MYDGF: variants seen among roughly 807,000 people sequenced by gnomAD.
MYDGF encodes myeloid-derived growth factor.
A neutral mutation model predicts 24.2 loss-of-function variants in MYDGF; 29 were observed. The observed-to-expected ratio is 1.20, with a 90% confidence interval of 0.89 to 1.63. The LOEUF (loss-of-function observed/expected upper bound fraction) is 1.63. Ranked by LOEUF, MYDGF falls within the 40% of genes most tolerant of loss-of-function variation. MYDGF has a pLI of 0.00. For missense variants in MYDGF, 245 were observed against 234.8 expected, an observed-to-expected ratio of 1.04 and a Z score of -0.29; for synonymous variants, 105 against 102.5, an observed-to-expected ratio of 1.02 and a Z score of -0.15.
chr19:4,670,005 G>GC (rs1199553789), intron 1 of MYDGF, among the ~76,000 whole-genome samples, 156 bp downstream of exon 1: 9 of 151,666 alleles, frequency 5.9e-5, no homozygotes, highest in Admixed American at 3.9e-4. Context: ...ACGGTCCCGC[G>GC]CCCCCCACTC....
chr19:4,659,829 T>C, intron 5 of MYDGF, 102 bp downstream of exon 5: 2 of 987,444 alleles, frequency 2.0e-6, no homozygotes, highest in Non-Finnish European at 1.6e-6. Flanking sequence ...TGGTCTACAG[T>C]CTCCAGGACC....
Position 4,662,428 on chromosome 19 carries a change from C to T in MYDGF, c.288-1678G>A, listed in dbSNP as rs140893714. 4.8e-3 allele frequency among the ~76,000 whole-genome samples: 726 copies of T among 152,322 alleles called. 17 individuals are homozygous for T. The highest frequency in any genetic ancestry group is 0.042 in the Admixed American group (647 of 15,300). On this transcript the variant is annotated intron_variant, in intron 3 of 5. Coordinates refer to ENST00000262947, the MANE Select transcript of MYDGF (RefSeq NM_019107.4). ...CTGAAGCCCCCGACCCCCTCCCCAC[C>T]GGGGGGCCTGACGGCTTCCTTCCCT...
chr19:4,665,211 C>T (rs904300971), intron 2 of MYDGF, among the ~76,000 whole-genome samples: 5 of 138,032 alleles, frequency 3.6e-5, no homozygotes. Flanking sequence ...ATAGGAACAA[C>T]GCTGTTTGTT....
chr19:4,663,376 CACCT>C lies in MYDGF; in HGVS notation c.287+1496_287+1499del, dbSNP rs144136386. On this transcript the variant is annotated intron_variant, in intron 3 of 5. Coordinates refer to ENST00000262947, the MANE Select transcript of MYDGF (RefSeq NM_019107.4). ...TCTACAGCATCCAATCTACTCTCCC[CACCT>C]ACCCCATCCTCATTCTACACAGCCT... 1.2e-3 allele frequency among the ~76,000 whole-genome samples: 171 copies of C among 145,778 alleles called. 4 individuals carry two copies. In the East Asian group the frequency reaches 0.03, roughly 25 times the overall value.
intron 1 of MYDGF, among the ~76,000 whole-genome samples, chr19:4,669,396 A>G (rs982606369): frequency 6.6e-6 from 1 of 152,182 alleles, no homozygotes; most frequent in Non-Finnish European, 1.5e-5. Flanking sequence ...GGTTGCAGTG[A>G]GCCAAGATCG....
At chr19:4,669,868 G>A (rs1257137118) in intron 1 of MYDGF, among the ~76,000 whole-genome samples, 9 of 152,102 alleles carry the variant, frequency 5.9e-5, no homozygotes, top group African/African-American at 9.7e-5. Context: ...CGTCTGGAGG[G>A]CAGGGGTGCC....
intron 3 of MYDGF, 68 bp downstream of exon 3, chr19:4,664,808 A>C (rs1183588306): frequency 6.4e-7 from 1 of 1,559,156 alleles, no homozygotes; most frequent in African/African-American, 1.4e-5. Flanking sequence ...CTGCCTTCCA[A>C]AGCAGCTCCT....
At chr19:4,659,792 C>G (rs1420393962) in intron 5 of MYDGF, 139 bp downstream of exon 5, 3 of 747,490 alleles carry the variant, frequency 4.0e-6, no homozygotes, top group Non-Finnish European at 7.1e-6. Context: ...GACGAGGTGG[C>G]CTTTATAGAA....
chr19:4,657,926 T>C lies in MYDGF; in HGVS notation c.*79A>G. Reference sequence around the variant, plus strand: ...AGAGTCCCTCCTAGAAAACCAGTGATGTGCTGGCCCTTTCAGGGACACAGG... The same window carrying C: ...AGAGTCCCTCCTAGAAAACCAGTGACGTGCTGGCCCTTTCAGGGACACAGG... On this transcript the variant is annotated 3_prime_UTR_variant, in exon 6 of 6. Coordinates refer to ENST00000262947, the MANE Select transcript of MYDGF (RefSeq NM_019107.4). The C allele has an allele frequency of 7.7e-7, 1 of 1,306,700 alleles. No individual in the cohort carries two copies. The highest frequency in any genetic ancestry group is 1.3e-5 in the South Asian group (1 of 75,876). 80.9% of individuals were successfully genotyped at this position (1,306,700 alleles called of 1,614,324 possible). A position where few individuals can be genotyped will look rare whatever the true frequency, so the allele number is the denominator to read the frequency against.
intron 3 of MYDGF, among the ~76,000 whole-genome samples, chr19:4,662,172 G>A (rs560555281): frequency 2.0e-5 from 3 of 152,278 alleles, no homozygotes; most frequent in East Asian, 3.9e-4. Flanking sequence ...AGGGCACGGC[G>A]GGACAACACC....
intron 3 of MYDGF, among the ~76,000 whole-genome samples, chr19:4,660,964 ATTTTT>A (rs10718244): frequency 2.0e-5 from 2 of 99,218 alleles, no homozygotes. Flanking sequence ...TTGTGCCAGA[ATTTTT>A]TTTTTTTTTT....
intron 1 of MYDGF, among the ~76,000 whole-genome samples, chr19:4,669,549 C>G (rs528009382): frequency 6.6e-6 from 1 of 152,170 alleles, no homozygotes; most frequent in East Asian, 1.9e-4. Context: ...ACCCAGAAGG[C>G]TAAGGATGCA....
At chr19:4,659,185 C>T (rs908081935) in intron 5 of MYDGF, among the ~76,000 whole-genome samples, 8 of 152,112 alleles carry the variant, frequency 5.3e-5, no homozygotes, top group Admixed American at 3.9e-4. Context: ...AAATAATCCT[C>T]CCACCTCAGC....
Position 4,657,879 on chromosome 19 carries a change from G to A in MYDGF, c.*126C>T, listed in dbSNP as rs2088434845. 8 of 888,096 alleles carry A rather than the reference G, an allele frequency of 9.0e-6. No homozygotes were observed. The highest frequency in any genetic ancestry group is 8.7e-5 in the South Asian group (5 of 57,624). The allele number at this position is 888,096 out of a possible 1,614,324, so 55.0% of individuals were successfully genotyped here. ...TGCAAGCCCCTCCGGACAAGGCAACGTCAGCCCAGGTAGAAAACTTAAGAG... is the reference window on the plus strand; with the variant it reads ...TGCAAGCCCCTCCGGACAAGGCAACATCAGCCCAGGTAGAAAACTTAAGAG... On this transcript the variant is annotated 3_prime_UTR_variant, in exon 6 of 6. Transcript: ENST00000262947.
intron 2 of MYDGF, among the ~76,000 whole-genome samples, chr19:4,666,974 A>G (rs993492716): frequency 1.3e-5 from 2 of 152,096 alleles, no homozygotes; most frequent in African/African-American, 4.8e-5. Flanking sequence ...GGCAGATTTC[A>G]GTTCCTCTTG....
chr19:4,662,832 C>T (rs192874555), intron 3 of MYDGF, among the ~76,000 whole-genome samples: 34 of 152,138 alleles, frequency 2.2e-4, no homozygotes, highest in African/African-American at 7.0e-4. Flanking sequence ...CACTACCCCA[C>T]AGACTCCCAC....
At chr19:4,664,069 C>A (rs1029954179) in intron 3 of MYDGF, among the ~76,000 whole-genome samples, 3 of 151,956 alleles carry the variant, frequency 2.0e-5, no homozygotes, top group Non-Finnish European at 4.4e-5. Flanking sequence ...AGACGCCAGA[C>A]ACCAAAGGCC....
chr19:4,660,104 C>T (rs1182952984), intron 4 of MYDGF, 101 bp from the exon 5 acceptor site: 1 of 1,142,800 alleles, frequency 8.8e-7, no homozygotes. Context: ...CTAAAGCTTT[C>T]TACTTTTACT....
chr19:4,660,502 G>T, intron 4 of MYDGF, 167 bp downstream of exon 4: 2 of 610,664 alleles, frequency 3.3e-6, no homozygotes, highest in East Asian at 3.0e-5. Flanking sequence ...CCCTGGCCTG[G>T]GGGCGTCTGT....
Sources: gnomAD v4.1 joint callset for allele counts (sites outside exome capture counted in the v4.1 genomes callset) on GRCh38, gnomAD v4.1.1 for gene constraint, MANE v1.5 for transcripts, NCBI Gene and HGNC (gene_info 2026-07-23, HGNC 2026-07-21) for gene names.